The following ROBO1 variants were observed in gnomAD, a reference collection of about 807,000 sequenced individuals.
ROBO1 encodes roundabout guidance receptor 1, also known as roundabout homolog 1.
A neutral mutation model predicts 195.9 loss-of-function variants in ROBO1; 149 were observed. The observed-to-expected ratio is 0.76, with a 90% confidence interval of 0.67 to 0.87. The LOEUF (loss-of-function observed/expected upper bound fraction) is 0.87. Ranked by LOEUF, ROBO1 falls within the 40% of genes least tolerant of loss-of-function variation. The pLI, the probability that ROBO1 is intolerant of heterozygous loss-of-function variation, is 0.00. For synonymous variants in ROBO1, 816 were observed against 733.2 expected, an observed-to-expected ratio of 1.11 and a Z score of -1.82; for missense variants, 1,933 against 2,068.3, an observed-to-expected ratio of 0.93 and a Z score of 1.27.
At chr3:78,959,752 C>A (rs895030180) in intron 3 of ROBO1, among the ~76,000 whole-genome samples, 15 of 152,174 alleles carry the variant, frequency 9.9e-5, no homozygotes, top group Non-Finnish European at 1.9e-4. Flanking sequence ...AAAAACTTCA[C>A]AATGATACCA....
rs544474696 is a variant in ROBO1 at position 79,668,710 on chromosome 3, T to C, written c.-50-78749A>G. On this transcript the variant is annotated intron_variant, in intron 1 of 30. Transcript: ENST00000464233. ...ATACATGTATATATAGATACATAAA[T>C]ATAAAGAGAGAAATGCTCAACAGAC... is the stretch of plus-strand genomic sequence containing the variant. Among the ~76,000 whole-genome samples, 12 of 151,728 alleles carry C rather than the reference T, an allele frequency of 7.9e-5. No individual in the cohort carries two copies. In the East Asian group the frequency reaches 2.1e-3, roughly 27 times the overall value.
intron 2 of ROBO1, among the ~76,000 whole-genome samples, chr3:79,581,496 A>T (rs1482113433): frequency 6.6e-6 from 1 of 152,134 alleles, no homozygotes. Flanking sequence ...CCATCTACTT[A>T]AACAATTAAA....
At chr3:79,107,236 T>C (rs1017992968) in intron 3 of ROBO1, among the ~76,000 whole-genome samples, 2 of 150,876 alleles carry the variant, frequency 1.3e-5, no homozygotes, top group Admixed American at 6.6e-5. Flanking sequence ...CATAACAAAA[T>C]AGGTGCTACG....
rs2083667688 is a variant in ROBO1 at position 78,781,207 on chromosome 3, T to C, written c.500-34307A>G. Among the ~76,000 whole-genome samples the C allele has an allele frequency of 2.0e-5, 3 of 152,170 alleles. No homozygotes were observed. In the South Asian group the frequency reaches 6.2e-4, roughly 32 times the overall value. On this transcript the variant is annotated intron_variant, in intron 4 of 30. Transcript: ENST00000464233. The stretch of plus-strand genomic sequence containing the variant: ...GTAAGCCAGAACACCCTAGAGTCAA[T>C]CTGTAATTCTCCTGCTCTATCAGTC...
chr3:79,344,171 G>T (rs975725674), intron 2 of ROBO1, among the ~76,000 whole-genome samples: 3 of 152,118 alleles, frequency 2.0e-5, no homozygotes, highest in African/African-American at 7.2e-5. Context: ...TGCAGGCATG[G>T]CTAACTAAAA....
At chr3:79,438,296 G>GCCAA (rs1184402619) in intron 2 of ROBO1, among the ~76,000 whole-genome samples, 1 of 151,832 alleles carries the variant, frequency 6.6e-6, no homozygotes, top group African/African-American at 2.4e-5. Context: ...TGTTGATACT[G>GCCAA]CCAACCAAAA....
intron 4 of ROBO1, among the ~76,000 whole-genome samples, chr3:78,836,830 C>T (rs916155679): frequency 6.6e-6 from 1 of 152,092 alleles, no homozygotes; most frequent in South Asian, 2.1e-4. Flanking sequence ...TTTTAATTTA[C>T]AGTGCTCAAA....
At chr3:79,118,813 C>CGA (rs943455315) in intron 3 of ROBO1, among the ~76,000 whole-genome samples, 5 of 149,352 alleles carry the variant, frequency 3.3e-5, no homozygotes, top group Admixed American at 2.0e-4. Context: ...TGCATTGAGC[C>CGA]GAGACCCCAC....
chr3:78,970,150 C>G (rs1451524219), intron 3 of ROBO1, among the ~76,000 whole-genome samples: 2 of 152,042 alleles, frequency 1.3e-5, no homozygotes, highest in African/African-American at 4.8e-5. Context: ...ATAATTACTT[C>G]AAGAGAATAT....
Position 79,715,128 on chromosome 3 carries a change from T to G in ROBO1, c.-51+52624A>C, listed in dbSNP as rs148244990. On this transcript the variant is annotated intron_variant, in intron 1 of 30. Transcript: ENST00000464233. The stretch of plus-strand genomic sequence containing the variant: ...AAGACAATGGTTTCTGGAGATGGAA[T>G]GTACTCCTGGTGAAGATGCTGTAAA... Among the ~76,000 whole-genome samples the G allele has an allele frequency of 3.3e-5, 5 of 152,210 alleles. No homozygotes were observed. The East Asian group carries it at 9.7e-4, about 29-fold the overall frequency.
chr3:78,678,766 T>C (rs1708601034), intron 10 of ROBO1, among the ~76,000 whole-genome samples: 1 of 152,170 alleles, frequency 6.6e-6, no homozygotes, highest in Admixed American at 6.5e-5. Flanking sequence ...ACTGATACCA[T>C]TCCTTCTGAA....
chr3:79,650,421 T>G (rs1165977430), intron 1 of ROBO1, among the ~76,000 whole-genome samples: 3 of 151,752 alleles, frequency 2.0e-5, no homozygotes, highest in Non-Finnish European at 4.4e-5. Context: ...AATATTGTAA[T>G]TCTTTAAAAA....
rs371670959 is a variant in ROBO1 at position 79,212,838 on chromosome 3, T to TAAATAAAATA, written c.89-87309_89-87300dup. Among the ~76,000 whole-genome samples the TAAATAAAATA allele has an allele frequency of 4.8e-3, 723 of 150,110 alleles. 7 individuals carry two copies. The highest frequency in any genetic ancestry group is 0.017 in the African/African-American group (675 of 40,662). ...CTGTCTCAGAAAAAATAAAATAAAA[T>TAAATAAAATA]AAATAAAATAAAATAAAATAAAATA... On this transcript the variant is annotated intron_variant, in intron 2 of 30. Transcript: ENST00000464233.
intron 25 of ROBO1, among the ~76,000 whole-genome samples, chr3:78,629,284 CA>C (rs1705021570): frequency 6.7e-6 from 1 of 149,580 alleles, no homozygotes; most frequent in African/African-American, 2.4e-5. Flanking sequence ...GGCACAGTTG[CA>C]GCTCCTATAT....
chr3:78,856,307 A>AC (rs2034428606), intron 4 of ROBO1, among the ~76,000 whole-genome samples: 1 of 151,656 alleles, frequency 6.6e-6, no homozygotes, highest in Admixed American at 6.6e-5. Flanking sequence ...AAAAAAAAAA[A>AC]ACAGTATGAG....
intron 2 of ROBO1, among the ~76,000 whole-genome samples, chr3:79,298,939 A>C (rs910083158): frequency 2.0e-5 from 3 of 152,166 alleles, no homozygotes; most frequent in Non-Finnish European, 2.9e-5. Flanking sequence ...TTTCAAACAC[A>C]TTTAATATAA....
At chr3:79,373,494 C>T (rs1007726856) in intron 2 of ROBO1, among the ~76,000 whole-genome samples, 2 of 152,156 alleles carry the variant, frequency 1.3e-5, no homozygotes, top group Non-Finnish European at 2.9e-5. Flanking sequence ...TATTATCACA[C>T]CTAGCAAGCA....
chr3:78,711,440 T>TTTCTTTCTTTCTTTCTTTCC (rs770070756), intron 8 of ROBO1, among the ~76,000 whole-genome samples: 6 of 41,646 alleles, frequency 1.4e-4, no homozygotes, highest in African/African-American at 4.0e-4. Flanking sequence ...TCTTTCTTTC[T>TTTCTTTCTTTCTTTCTTTCC]TTCCTTCCTT....
intron 2 of ROBO1, among the ~76,000 whole-genome samples, chr3:79,580,200 A>G (rs1345215101): frequency 6.6e-6 from 1 of 152,064 alleles, no homozygotes; most frequent in Non-Finnish European, 1.5e-5. Context: ...AGCCAGGCTC[A>G]GTGGCTCATG....
Sources: gnomAD v4.1 joint callset for allele counts (sites outside exome capture counted in the v4.1 genomes callset) on GRCh38, gnomAD v4.1.1 for gene constraint, MANE v1.5 for transcripts, NCBI Gene and HGNC (gene_info 2026-07-23, HGNC 2026-07-21) for gene names.